The following IFTAP variants were observed in gnomAD, a reference collection of about 807,000 sequenced individuals.
The protein encoded by IFTAP is intraflagellar transport-associated protein.
In IFTAP, 19 loss-of-function variants were observed where a neutral mutation model predicts 19.4. The ratio of observed to expected loss-of-function variants is 0.98; its 90% CI spans 0.68 to 1.44. The LOEUF is 1.44. IFTAP is among the 40% of genes most tolerant of loss of function. The pLI, the probability that IFTAP is intolerant of heterozygous loss-of-function variation, is 0.00. For missense variants in IFTAP, 240 were observed against 253.6 expected, an observed-to-expected ratio of 0.95 and a Z score of 0.36; for synonymous variants, 85 against 83.5, an observed-to-expected ratio of 1.02 and a Z score of -0.10.
Position 36,648,092 on chromosome 11 carries a change from G to C in IFTAP, c.435G>C (p.Gln145His), listed in dbSNP as rs1853562228. The C allele has an allele frequency of 6.2e-7, 1 of 1,613,324 alleles. No individual in the cohort carries two copies. The highest frequency in any genetic ancestry group is 1.3e-5 in the African/African-American group (1 of 74,962). The change falls in exon 5 of 6, where the codon CAG becomes CAC. Residue 145 changes from glutamine (Q) to histidine (H), a missense_variant. By Grantham distance (24) the Gln-to-His change is conservative. Coordinates refer to ENST00000334307, the MANE Select transcript of IFTAP (RefSeq NM_138787.4). ...SIPSCIPFVA[Q>H]PPTCEVKPKP... ...CTTCCTGTATCCCTTTTGTGGCCCA[G>C]CCTCCTACCTGTGAAGTGAAGCCAA...
At chr11:36,599,559 A>G (rs1289417378) in intron 1 of IFTAP, among the ~76,000 whole-genome samples, 1 of 152,228 alleles carries the variant, frequency 6.6e-6, no homozygotes, top group Admixed American at 6.5e-5. Context: ...TTACCTAATG[A>G]TGAAGATGTA....
chr11:36,606,977 A>G (rs568306943), intron 1 of IFTAP, among the ~76,000 whole-genome samples: 1 of 152,366 alleles, frequency 6.6e-6, no homozygotes, highest in Non-Finnish European at 1.5e-5. Flanking sequence ...GTAAATGTGC[A>G]TAAGCCATAA....
At chr11:36,617,494 A>T (rs900229877) in intron 2 of IFTAP, among the ~76,000 whole-genome samples, 19 of 152,036 alleles carry the variant, frequency 1.2e-4, no homozygotes, top group Admixed American at 7.2e-4. Context: ...AAATTTTTAT[A>T]TTCTCAAGGC....
At chr11:36,624,283 C>G (rs1315819293) in intron 2 of IFTAP, among the ~76,000 whole-genome samples, 1 of 152,088 alleles carries the variant, frequency 6.6e-6, no homozygotes, top group Admixed American at 6.6e-5. Flanking sequence ...GAATTTTTAT[C>G]TACTCTATGG....
At chr11:36,651,229 C>G (rs1483744774) in intron 5 of IFTAP, among the ~76,000 whole-genome samples, 1 of 152,104 alleles carries the variant, frequency 6.6e-6, no homozygotes, top group East Asian at 1.9e-4. Flanking sequence ...TGTTTCCTGA[C>G]TTTTTAATGA....
At chr11:36,629,797 CA>C (rs1295983470) in intron 2 of IFTAP, among the ~76,000 whole-genome samples, 1 of 150,934 alleles carries the variant, frequency 6.6e-6, no homozygotes, top group East Asian at 1.9e-4. Flanking sequence ...TGTTTAGTAT[CA>C]AAAGGAAATT....
rs1173881979 is a variant in IFTAP at position 36,659,005 on chromosome 11, G to T, written c.499-14G>T. On this transcript the variant is annotated splice_polypyrimidine_tract_variant and intron_variant, in intron 5 of 5. Coordinates refer to ENST00000334307, the MANE Select transcript of IFTAP (RefSeq NM_138787.4). ...GATTGTGTATGTTTTTTCCTCCTTTGTTACCTTTTATAGATACTTGGAGAT... is the reference window on the plus strand; with the variant it reads ...GATTGTGTATGTTTTTTCCTCCTTTTTTACCTTTTATAGATACTTGGAGAT... 7 of 1,535,130 alleles carry T rather than the reference G, an allele frequency of 4.6e-6. No individual in the cohort carries two copies. The highest frequency in any genetic ancestry group is 2.0e-5 in the Admixed American group (1 of 49,934).
chr11:36,604,071 C>T (rs1319969309), intron 1 of IFTAP, among the ~76,000 whole-genome samples: 1 of 152,156 alleles, frequency 6.6e-6, no homozygotes, highest in African/African-American at 2.4e-5. Flanking sequence ...GATGGATGTG[C>T]TCCCTTTTCC....
At chr11:36,605,421 G>A (rs534941387) in intron 1 of IFTAP, among the ~76,000 whole-genome samples, 35 of 152,186 alleles carry the variant, frequency 2.3e-4, no homozygotes, top group African/African-American at 7.9e-4. Context: ...TTTTGTTTGA[G>A]TAAGTTCATT....
At chr11:36,635,524 G>A (rs1852912303) in intron 3 of IFTAP, among the ~76,000 whole-genome samples, 1 of 152,112 alleles carries the variant, frequency 6.6e-6, no homozygotes, top group African/African-American at 2.4e-5. Flanking sequence ...GAACACTTGA[G>A]TTTTTGCCCT....
intron 1 of IFTAP, among the ~76,000 whole-genome samples, chr11:36,606,843 A>G (rs1565006007): frequency 1.3e-5 from 2 of 152,214 alleles, no homozygotes; most frequent in Non-Finnish European, 2.9e-5. Context: ...TCTTGTAATA[A>G]AGTATACATC....
At chr11:36,601,986 T>C (rs1268015762) in intron 1 of IFTAP, among the ~76,000 whole-genome samples, 1 of 152,176 alleles carries the variant, frequency 6.6e-6, no homozygotes, top group Non-Finnish European at 1.5e-5. Flanking sequence ...ATAGAAACCA[T>C]ATTGGCAAAA....
intron 2 of IFTAP, among the ~76,000 whole-genome samples, chr11:36,623,266 TA>T (rs1436661063): frequency 6.6e-6 from 1 of 152,062 alleles, no homozygotes; most frequent in Non-Finnish European, 1.5e-5. Context: ...TTTAGGGAGA[TA>T]AATGAATTTT....
chr11:36,647,473 T>C (rs1853534299), intron 4 of IFTAP, among the ~76,000 whole-genome samples: 3 of 152,158 alleles, frequency 2.0e-5, no homozygotes, highest in Non-Finnish European at 2.9e-5. Context: ...GTTGCTGCTG[T>C]TCTTTGCAAG....
At chr11:36,639,088 A>C (rs1853087637) in intron 4 of IFTAP, among the ~76,000 whole-genome samples, 1 of 152,164 alleles carries the variant, frequency 6.6e-6, no homozygotes, top group Admixed American at 6.5e-5. Flanking sequence ...GCCTCAGACA[A>C]ACTGGCCCAT....
chr11:36,600,309 C>A (rs888781853), intron 1 of IFTAP, among the ~76,000 whole-genome samples: 11 of 152,220 alleles, frequency 7.2e-5, no homozygotes, highest in Non-Finnish European at 1.3e-4. Flanking sequence ...CGGACAGGTA[C>A]GGTCAGCAGT....
chr11:36,637,779 G>A (rs1853012824), intron 4 of IFTAP, among the ~76,000 whole-genome samples: 1 of 152,048 alleles, frequency 6.6e-6, no homozygotes, highest in African/African-American at 2.4e-5. Context: ...TACATGTTTT[G>A]GGTGCTTTTG....
intron 1 of IFTAP, among the ~76,000 whole-genome samples, chr11:36,600,459 G>A (rs1851464908): frequency 6.6e-6 from 1 of 152,244 alleles, no homozygotes; most frequent in Non-Finnish European, 1.5e-5. Context: ...CTGTGCATGT[G>A]AGGGAGCTAG....
intron 2 of IFTAP, among the ~76,000 whole-genome samples, chr11:36,622,209 C>T (rs1852321766): frequency 2.0e-5 from 3 of 151,348 alleles, no homozygotes; most frequent in African/African-American, 7.3e-5. Context: ...TGTTTGAGTC[C>T]TATATTCTTA....
Sources: gnomAD v4.1 joint callset for allele counts (sites outside exome capture counted in the v4.1 genomes callset) on GRCh38, gnomAD v4.1.1 for gene constraint, MANE v1.5 for transcripts, NCBI Gene and HGNC (gene_info 2026-07-23, HGNC 2026-07-21) for gene names.